Variants in CLASP2 observed in about 807,000 individuals in gnomAD.
The protein encoded by CLASP2 is CLIP-associating protein 2.
Under a neutral mutation model 194.4 loss-of-function variants are expected in CLASP2, and 47 were observed. The ratio of observed to expected loss-of-function variants is 0.24; its 90% CI spans 0.19 to 0.31. The LOEUF is 0.31. Ranked by LOEUF, CLASP2 falls within the 10% of genes least tolerant of loss-of-function variation. The pLI is 1.00. For missense variants in CLASP2, 1,445 were observed against 1,823.6 expected, an observed-to-expected ratio of 0.79 and a Z score of 3.78; for synonymous variants, 619 against 633.5, an observed-to-expected ratio of 0.98 and a Z score of 0.34.
chr3:33,607,212 T>C (rs1296911141), intron 15 of CLASP2, among the ~76,000 whole-genome samples, 172 bp downstream of exon 15: 1 of 152,208 alleles, frequency 6.6e-6, no homozygotes, highest in Non-Finnish European at 1.5e-5. Context: ...AGTGGCAACA[T>C]GTAGGAGGCT....
intron 11 of CLASP2, among the ~76,000 whole-genome samples, chr3:33,620,356 T>C (rs2076910904): frequency 6.6e-6 from 1 of 152,186 alleles, no homozygotes. Context: ...TAAACCAGAC[T>C]TTCATTGTAT....
chr3:33,606,523 C>T, intron 16 of CLASP2, 68 bp downstream of exon 16: 1 of 1,265,564 alleles, frequency 7.9e-7, no homozygotes, highest in East Asian at 2.3e-5. Flanking sequence ...ATTCAAGTAT[C>T]CAACTTATGA....
At position 33,663,533 on chromosome 3, in the gene CLASP2, A is replaced by G. The variant is rs2085646771; in HGVS notation, c.645-18T>C. 1.3e-6 allele frequency: 2 copies of G among 1,567,284 alleles called. No individual in the cohort carries two copies. Among genetic ancestry groups the G allele is most frequent in the Admixed American group, 1.7e-5 (1 of 59,590 alleles). ...TTTCTAATCTGGGAATAAAGAATAA[A>G]TTGGGTTTGTTTGATTTTTTAAAAC... On this transcript the variant is annotated intron_variant, in intron 6 of 38. Coordinates refer to ENST00000682230, the MANE Select transcript of CLASP2 (RefSeq NM_001365631.1).
rs908080558 is a variant in CLASP2 at position 33,551,473 on chromosome 3, G to A, written c.3010-78C>T. ...CTAGAGAACATTTCAAAAATAATCA[G>A]GTGATGATGATGATTTTTTTTTTTA... On this transcript the variant is annotated intron_variant, in intron 29 of 38. Transcript: ENST00000682230. 1.3e-5 allele frequency: 19 copies of A among 1,414,100 alleles called. No homozygotes were observed. In the African/African-American group the frequency reaches 2.8e-4, roughly 21 times the overall value. 87.6% of individuals were successfully genotyped at this position (1,414,100 alleles called of 1,614,324 possible). A position where few individuals can be genotyped will look rare whatever the true frequency, so the allele number is the denominator to read the frequency against.
chr3:33,574,467 C>G, intron 24 of CLASP2: 1 of 1,498,258 alleles, frequency 6.7e-7, no homozygotes, highest in Non-Finnish European at 8.9e-7. Context: ...ATAGCAATGT[C>G]TATACCTTAG....
At chr3:33,701,623 T>C (rs1239133945) in intron 1 of CLASP2, among the ~76,000 whole-genome samples, 2 of 152,102 alleles carry the variant, frequency 1.3e-5, no homozygotes, top group East Asian at 1.9e-4. Flanking sequence ...TATAGATCAA[T>C]GAAACAGAAG....
intron 2 of CLASP2, among the ~76,000 whole-genome samples, chr3:33,694,241 C>T (rs941791678): frequency 2.0e-5 from 3 of 152,078 alleles, no homozygotes; most frequent in African/African-American, 4.8e-5. Flanking sequence ...GGAGAAGGAA[C>T]ATATATGGTA....
intron 5 of CLASP2, among the ~76,000 whole-genome samples, chr3:33,685,150 G>C (rs1575579588): frequency 6.6e-6 from 1 of 151,382 alleles, no homozygotes; most frequent in African/African-American, 2.4e-5. Context: ...AGACCAGCCT[G>C]GCTACCACGG....
At chr3:33,675,043 T>C (rs1055090323) in intron 6 of CLASP2, among the ~76,000 whole-genome samples, 3 of 152,154 alleles carry the variant, frequency 2.0e-5, no homozygotes, top group African/African-American at 7.2e-5. Context: ...TCTGAAACTA[T>C]TCCAATCAAT....
At chr3:33,671,574 G>T (rs1367351918) in intron 6 of CLASP2, among the ~76,000 whole-genome samples, 2 of 152,180 alleles carry the variant, frequency 1.3e-5, no homozygotes, top group Non-Finnish European at 2.9e-5. Context: ...TCACTAGGGA[G>T]TGCCAGACAG....
intron 16 of CLASP2, among the ~76,000 whole-genome samples, chr3:33,605,027 A>G (rs1317649880): frequency 6.6e-6 from 1 of 152,210 alleles, no homozygotes; most frequent in Admixed American, 6.5e-5. Context: ...ATTCTCTTAG[A>G]TTGAGGCGGA....
intron 29 of CLASP2, among the ~76,000 whole-genome samples, chr3:33,552,918 C>A (rs927775240): frequency 4.6e-5 from 7 of 152,118 alleles, no homozygotes; most frequent in Non-Finnish European, 1.0e-4. Flanking sequence ...ACTATAGTCA[C>A]CATGTTGTAC....
rs148431469 is a variant in CLASP2 at position 33,496,593 on chromosome 3, C to T, written c.*2038G>A. 3 of 152,224 alleles carry T rather than the reference C, an allele frequency of 2.0e-5. No homozygotes were observed. Among genetic ancestry groups the T allele is most frequent in the Non-Finnish European group, 4.4e-5 (3 of 68,002 alleles). The allele number at this position is 152,224 out of a possible 1,614,324, so 9.4% of individuals were successfully genotyped here. ...ATTCATTTCTTGAGTGCCTGCCTGC[C>T]ATTAGATGCCAGGTGCTTATCTAAT... On this transcript the variant is annotated 3_prime_UTR_variant, in exon 39 of 39. Coordinates refer to ENST00000682230, the MANE Select transcript of CLASP2 (RefSeq NM_001365631.1).
At chr3:33,684,249 A>T (rs897997823) in intron 6 of CLASP2, 110 bp downstream of exon 6, 37 of 585,548 alleles carry the variant, frequency 6.3e-5, no homozygotes, top group African/African-American at 1.2e-4. Context: ...CCATCTCAAA[A>T]AAATAAATAA....
At chr3:33,537,593 A>T (rs753596381) in intron 33 of CLASP2, among the ~76,000 whole-genome samples, 4 of 152,214 alleles carry the variant, frequency 2.6e-5, no homozygotes, top group Non-Finnish European at 5.9e-5. Flanking sequence ...ACAATATTCA[A>T]ATATGTCAAT....
At chr3:33,583,841 C>T (rs932058152) in intron 22 of CLASP2, among the ~76,000 whole-genome samples, 4 of 151,918 alleles carry the variant, frequency 2.6e-5, no homozygotes, top group Admixed American at 6.6e-5. Context: ...CTGGAAATGA[C>T]GGATCAAGTA....
intron 18 of CLASP2, among the ~76,000 whole-genome samples, chr3:33,598,078 G>A (rs531035439): frequency 2.6e-5 from 4 of 152,060 alleles, no homozygotes; most frequent in African/African-American, 9.6e-5. Flanking sequence ...CATTGCTTGA[G>A]GAAGGAGTAG....
At chr3:33,712,904 G>T (rs2093087484) in intron 1 of CLASP2, among the ~76,000 whole-genome samples, 1 of 150,984 alleles carries the variant, frequency 6.6e-6, no homozygotes, top group Non-Finnish European at 1.5e-5. Context: ...GGAGGTTGCA[G>T]TGTGCTGAGA....
chr3:33,603,215 A>C, intron 17 of CLASP2, 90 bp from the exon 18 acceptor site: 1 of 1,341,276 alleles, frequency 7.5e-7, no homozygotes, highest in South Asian at 1.6e-5. Flanking sequence ...AGCTAATCTG[A>C]TGACAAATGG....
Sources: allele counts gnomAD v4.1 joint callset (sites outside exome capture counted in the v4.1 genomes callset), GRCh38; gene constraint gnomAD v4.1.1; transcripts MANE v1.5; gene names NCBI Gene and HGNC (gene_info 2026-07-23, HGNC 2026-07-21).